The following LIMS1 variants were observed in gnomAD, a reference collection of about 807,000 sequenced individuals.
LIMS1 encodes the protein LIM and senescent cell antigen-like-containing domain protein 1.
LIMS1 carries 18 observed loss-of-function variants against 44.1 expected under a neutral mutation model. The ratio of observed to expected loss-of-function variants is 0.41; its 90% CI spans 0.28 to 0.61. LIMS1 has a LOEUF of 0.61. Among genes scored for constraint, LIMS1 ranks in the 20% least tolerant of loss-of-function variants. LIMS1 has a pLI of 0.32. For synonymous variants in LIMS1, 93 were observed against 149.1 expected (o/e 0.62, Z 2.74); for missense variants, 201 against 422.0 (o/e 0.48, Z 4.59).
chr2:108,577,433 G>C (rs1685711030), intron 1 of LIMS1, among the ~76,000 whole-genome samples: 1 of 152,188 alleles, frequency 6.6e-6, no homozygotes, highest in African/African-American at 2.4e-5. Flanking sequence ...GTTACTCCGG[G>C]CTCTGCCTTA....
intron 1 of LIMS1, among the ~76,000 whole-genome samples, chr2:108,656,401 C>A (rs1447737825): frequency 8.5e-5 from 13 of 152,056 alleles, no homozygotes; most frequent in African/African-American, 3.1e-4. Flanking sequence ...TACTGAAAAT[C>A]TTTTTCTGAA....
intron 1 of LIMS1, among the ~76,000 whole-genome samples, chr2:108,615,418 G>C (rs1043199027): frequency 6.6e-6 from 1 of 152,108 alleles, no homozygotes; most frequent in Non-Finnish European, 1.5e-5. Context: ...TCCCTGAAAG[G>C]TCAGCGCTCT....
At chr2:108,644,356 G>T (rs753310872) in intron 1 of LIMS1, among the ~76,000 whole-genome samples, 1 of 152,164 alleles carries the variant, frequency 6.6e-6, no homozygotes, top group Non-Finnish European at 1.5e-5. Flanking sequence ...GGCAAACAGG[G>T]TCTGGAGCGG....
intron 2 of LIMS1, among the ~76,000 whole-genome samples, chr2:108,664,701 A>G (rs1405371357): frequency 1.3e-5 from 2 of 152,198 alleles, no homozygotes; most frequent in East Asian, 1.9e-4. Context: ...AAGTTGAGCT[A>G]TACTATGTTT....
At chr2:108,662,864 T>C in intron 2 of LIMS1, 1 of 610,782 alleles carries the variant, frequency 1.6e-6, no homozygotes, top group Non-Finnish European at 2.1e-6. Context: ...TTCCACAGCC[T>C]CTATTTTTTC....
intron 1 of LIMS1, among the ~76,000 whole-genome samples, chr2:108,619,779 A>C (rs557373081): frequency 1.4e-4 from 21 of 152,314 alleles, no homozygotes; most frequent in African/African-American, 3.8e-4. Context: ...TTTGGTATTT[A>C]AATCTTCTAC....
intron 1 of LIMS1, among the ~76,000 whole-genome samples, chr2:108,656,666 A>G (rs1448133467): frequency 4.8e-5 from 7 of 146,286 alleles, no homozygotes; most frequent in African/African-American, 1.2e-4. Context: ...TGCAAAATAT[A>G]TATTATATTA....
intron 1 of LIMS1, among the ~76,000 whole-genome samples, chr2:108,613,599 T>C (rs1332072839): frequency 6.6e-6 from 1 of 152,206 alleles, no homozygotes; most frequent in East Asian, 1.9e-4. Context: ...CATGTGGCTC[T>C]GCACAGCTGT....
chr2:108,685,750 A>G (rs1178284376), exon 10 of LIMS1: 1 of 152,220 alleles, frequency 6.6e-6, no homozygotes, highest in Non-Finnish European at 1.5e-5. Context: ...GTCAGCTAAT[A>G]TGTGACCAGC....
chr2:108,650,105 AAAC>A (rs2148942668), intron 1 of LIMS1, among the ~76,000 whole-genome samples: 1 of 152,326 alleles, frequency 6.6e-6, no homozygotes, highest in Admixed American at 6.5e-5. Context: ...TGGTATTTTC[AAAC>A]AACAGCCTCC....
At chr2:108,610,887 A>G (rs1312194159) in intron 1 of LIMS1, among the ~76,000 whole-genome samples, 1 of 152,182 alleles carries the variant, frequency 6.6e-6, no homozygotes, top group African/African-American at 2.4e-5. Flanking sequence ...AGATTTATAG[A>G]AAAGTTGCAG....
At chr2:108,671,961 C>T (rs1403902866) in intron 3 of LIMS1, among the ~76,000 whole-genome samples, 1 of 152,232 alleles carries the variant, frequency 6.6e-6, no homozygotes, top group East Asian at 1.9e-4. Context: ...GGGCGGATCA[C>T]CTGAGGTCGG....
intron 1 of LIMS1, among the ~76,000 whole-genome samples, chr2:108,650,412 TC>T (rs1690386189): frequency 1.3e-5 from 2 of 149,780 alleles, no homozygotes; most frequent in Non-Finnish European, 3.0e-5. Flanking sequence ...TCTTTTCTTT[TC>T]TTTTTTTTTT....
chr2:108,651,083 A>G (rs1690450579), intron 1 of LIMS1, among the ~76,000 whole-genome samples: 2 of 151,418 alleles, frequency 1.3e-5, no homozygotes, highest in Non-Finnish European at 3.0e-5. Context: ...AAGGAAGGGC[A>G]GCCCATCAGT....
At chr2:108,645,200 C>G (rs1430963603) in intron 1 of LIMS1, among the ~76,000 whole-genome samples, 6 of 152,042 alleles carry the variant, frequency 3.9e-5, no homozygotes, top group Admixed American at 2.0e-4. Flanking sequence ...ATTTTCAGAT[C>G]ACCAAGGTTG....
At chr2:108,580,220 A>G (rs1466643165) in intron 1 of LIMS1, among the ~76,000 whole-genome samples, 1 of 152,218 alleles carries the variant, frequency 6.6e-6, no homozygotes, top group Non-Finnish European at 1.5e-5. Context: ...GGATGTCTCT[A>G]TAGAGCAGTG....
intron 8 of LIMS1, chr2:108,678,734 G>C (rs548257355): frequency 1.3e-5 from 2 of 152,374 alleles, no homozygotes; most frequent in Admixed American, 6.5e-5. Context: ...GAAAGAAGCT[G>C]CAAAGGAAAC....
At chr2:108,675,754 A>G in intron 5 of LIMS1, 124 bp from the exon 6 acceptor site, 1 of 1,259,844 alleles carries the variant, frequency 7.9e-7, no homozygotes, top group South Asian at 1.3e-5. Context: ...TCTAAAGGGG[A>G]AAAAAGAAAT....
chr2:108,591,177 G>A (rs555849493), intron 1 of LIMS1, among the ~76,000 whole-genome samples: 30 of 152,318 alleles, frequency 2.0e-4, no homozygotes, highest in African/African-American at 7.0e-4. Flanking sequence ...ACGAAAGGAT[G>A]TGTCAGTGGG....
Sources: allele counts gnomAD v4.1 joint callset (sites outside exome capture counted in the v4.1 genomes callset), GRCh38; gene constraint gnomAD v4.1.1; transcripts MANE v1.5; gene names NCBI Gene and HGNC (gene_info 2026-07-23, HGNC 2026-07-21).